RPTOR: variants seen among roughly 807,000 people sequenced by gnomAD.
The protein encoded by RPTOR is regulatory associated protein of MTOR complex 1.
RPTOR carries 21 observed loss-of-function variants against 169.9 expected under a neutral mutation model. That is an observed-to-expected ratio of 0.12 (90% CI 0.09 to 0.18). The LOEUF (loss-of-function observed/expected upper bound fraction) is 0.18. Among genes scored for constraint, RPTOR ranks in the 10% least tolerant of loss-of-function variants. RPTOR has a pLI of 1.00. For synonymous variants in RPTOR, 732 were observed against 753.2 expected, an observed-to-expected ratio of 0.97 and a Z score of 0.46; for missense variants, 1,133 against 1,855.9, an observed-to-expected ratio of 0.61 and a Z score of 7.16.
At chr17:80,789,113 A>G (rs959272147) in intron 6 of RPTOR, among the ~76,000 whole-genome samples, 1 of 152,250 alleles carries the variant, frequency 6.6e-6, no homozygotes, top group Non-Finnish European at 1.5e-5. Context: ...CTGAATTTAT[A>G]ATATGCTTAT....
chr17:80,932,032 A>G (rs1289347556), intron 24 of RPTOR, among the ~76,000 whole-genome samples: 1 of 152,120 alleles, frequency 6.6e-6, no homozygotes, highest in African/African-American at 2.4e-5. Flanking sequence ...GAAGCTGGCC[A>G]CATGCTGAGT....
chr17:80,686,930 C>T (rs2065952327), intron 3 of RPTOR, among the ~76,000 whole-genome samples: 1 of 152,202 alleles, frequency 6.6e-6, no homozygotes, highest in Non-Finnish European at 1.5e-5. Flanking sequence ...TAAAATCACA[C>T]AGCTTATTGC....
Position 80,726,113 on chromosome 17 carries a change from A to G in RPTOR, c.508-4447A>G, listed in dbSNP as rs1382388206. 2.6e-5 allele frequency among the ~76,000 whole-genome samples: 4 copies of G among 152,090 alleles called. No individual in the cohort carries two copies. The highest frequency in any genetic ancestry group is 5.9e-5 in the Non-Finnish European group (4 of 68,000). ...GAGGGACAGACGCCGCTCACAGAGA[A>G]GCGACCACAGAGGCCCACATCCAAG... On this transcript the variant is annotated intron_variant, in intron 4 of 33. Coordinates refer to ENST00000306801, the MANE Select transcript of RPTOR (RefSeq NM_020761.3). The surrounding 1 kb of genome is among the most constrained non-coding windows in gnomAD (Gnocchi z 4.5).
chr17:80,943,729 A>T lies in RPTOR; in HGVS notation c.3026-1938A>T, dbSNP rs374257144. ...AGCCAGACCAGAAGTTCAGGTGAGG[A>T]CACGGTTAGTAAGAGCCAGTCAGGT... On this transcript the variant is annotated intron_variant, in intron 25 of 33. Coordinates refer to ENST00000306801, the MANE Select transcript of RPTOR (RefSeq NM_020761.3). Among the ~76,000 whole-genome samples, 35 of 150,814 alleles carry T rather than the reference A, an allele frequency of 2.3e-4. No homozygotes were observed. The South Asian group carries it at 4.9e-3, about 21-fold the overall frequency.
chr17:80,780,353 C>A (rs917141815), intron 6 of RPTOR, among the ~76,000 whole-genome samples: 1 of 152,054 alleles, frequency 6.6e-6, no homozygotes, highest in Non-Finnish European at 1.5e-5. Context: ...CAGCGAGAGA[C>A]AGGGATGTAC....
chr17:80,834,402 T>G (rs1346147158), intron 9 of RPTOR, among the ~76,000 whole-genome samples: 1 of 152,172 alleles, frequency 6.6e-6, no homozygotes, highest in Non-Finnish European at 1.5e-5. Flanking sequence ...CCGAGCAGCC[T>G]CCGTGCATCG....
chr17:80,908,129 T>C (rs1238843114), intron 20 of RPTOR, among the ~76,000 whole-genome samples: 1 of 152,178 alleles, frequency 6.6e-6, no homozygotes, highest in Admixed American at 6.5e-5. Context: ...GCCTCAGCGC[T>C]TCCCTCCATG....
intron 1 of RPTOR, among the ~76,000 whole-genome samples, chr17:80,608,439 A>G (rs554039974): frequency 1.3e-5 from 2 of 152,190 alleles, no homozygotes; most frequent in Non-Finnish European, 2.9e-5. Flanking sequence ...TTTTCTAACA[A>G]TGTATACTCT....
At chr17:80,768,152 G>A (rs1305909432) in intron 6 of RPTOR, among the ~76,000 whole-genome samples, 2 of 152,188 alleles carry the variant, frequency 1.3e-5, no homozygotes, top group East Asian at 1.9e-4. Flanking sequence ...GTGAGCCACC[G>A]CGCCTGACCA....
intron 20 of RPTOR, among the ~76,000 whole-genome samples, chr17:80,901,201 CG>C (rs2068472166): frequency 6.6e-6 from 1 of 151,734 alleles, no homozygotes; most frequent in African/African-American, 2.4e-5. Context: ...GAGTACAGGG[CG>C]AAGAATCGCA....
chr17:80,964,114 C>G, intron 33 of RPTOR, 148 bp from the exon 34 acceptor site: 2 of 690,712 alleles, frequency 2.9e-6, no homozygotes, highest in Non-Finnish European at 5.1e-6. Flanking sequence ...GTGGGACCGG[C>G]CCGGCATTTC....
chr17:80,759,645 TAG>T (rs1255752983), intron 6 of RPTOR, among the ~76,000 whole-genome samples: 2 of 152,214 alleles, frequency 1.3e-5, no homozygotes, highest in East Asian at 3.9e-4. Context: ...GTGAAATGTG[TAG>T]TTTTGTGTGA....
At chr17:80,930,239 CCTCAGCTCAGCTCA>C (rs2068865146) in intron 24 of RPTOR, among the ~76,000 whole-genome samples, 1 of 126,264 alleles carries the variant, frequency 7.9e-6, no homozygotes, top group Non-Finnish European at 1.7e-5. Flanking sequence ...CCCAGCTCAT[CCTCAGCTCAGCTCA>C]TCCCCAGCTC....
At chr17:80,578,218 G>C (rs1258804822) in intron 1 of RPTOR, among the ~76,000 whole-genome samples, 2 of 152,190 alleles carry the variant, frequency 1.3e-5, no homozygotes, top group African/African-American at 4.8e-5. Flanking sequence ...GAGTGGTTGG[G>C]GGGGTGGTAC....
rs552528045 is a variant in RPTOR at position 80,930,782 on chromosome 17, C to G, written c.2919+5302C>G. Among the ~76,000 whole-genome samples the G allele has an allele frequency of 2.6e-5, 4 of 152,366 alleles. No individual in the cohort carries two copies. In the South Asian group the frequency reaches 8.3e-4, roughly 32 times the overall value. Reference sequence around the variant, plus strand: ...TTTGTTTCCACTCAGCCACCACCAGCTGGACTCTGGTGCTCGCAGTCTCCG... The same window carrying G: ...TTTGTTTCCACTCAGCCACCACCAGGTGGACTCTGGTGCTCGCAGTCTCCG... On this transcript the variant is annotated intron_variant, in intron 24 of 33. Transcript: ENST00000306801.
intron 33 of RPTOR, 116 bp downstream of exon 33, chr17:80,963,173 T>C (rs1013135311): frequency 3.0e-5 from 31 of 1,037,750 alleles, no homozygotes; most frequent in Non-Finnish European, 4.1e-5. Context: ...GTGGGGCCCA[T>C]TGGCTGCCTG....
chr17:80,734,478 G>A (rs1222591195), intron 5 of RPTOR, among the ~76,000 whole-genome samples: 1 of 152,240 alleles, frequency 6.6e-6, no homozygotes, highest in Non-Finnish European at 1.5e-5. Flanking sequence ...GAGACCATCA[G>A]TATTTGAAGC....
At position 80,957,870 on chromosome 17, in the gene RPTOR, G is replaced by C. The variant is rs562121764; in HGVS notation, c.3477+140G>C. 3 of 740,030 alleles carry C rather than the reference G, an allele frequency of 4.1e-6. No homozygotes were observed. Among genetic ancestry groups the C allele is most frequent in the African/African-American group, 3.5e-5 (2 of 57,726 alleles). The allele number at this position is 740,030 out of a possible 1,614,324, so 45.8% of individuals were successfully genotyped here. On this transcript the variant is annotated intron_variant, in intron 29 of 33. Transcript: ENST00000306801. This position sits in a 1 kb window ranked among gnomAD's most constrained non-coding sequence, Gnocchi z 4.6. ...AGTCAGGGCCTGGGAGGACAGTGCCGGGACAATGCTGGGAGGAGACGTGGG... is the reference window on the plus strand; with the variant it reads ...AGTCAGGGCCTGGGAGGACAGTGCCCGGACAATGCTGGGAGGAGACGTGGG...
At chr17:80,570,267 G>T (rs1395351940) in intron 1 of RPTOR, among the ~76,000 whole-genome samples, 16 of 151,976 alleles carry the variant, frequency 1.1e-4, no homozygotes, top group African/African-American at 2.9e-4. Context: ...TATGTATTGT[G>T]TTCAGTTTTC....
Sources: allele counts gnomAD v4.1 joint callset (sites outside exome capture counted in the v4.1 genomes callset), GRCh38; gene constraint gnomAD v4.1.1; non-coding constraint Gnocchi (gnomAD v3.1); transcripts MANE v1.5; gene names NCBI Gene and HGNC (gene_info 2026-07-23, HGNC 2026-07-21).